BBS9: variants seen among roughly 807,000 people sequenced by gnomAD.
BBS9 encodes the protein protein PTHB1.
Under a neutral mutation model 117.7 loss-of-function variants are expected in BBS9, and 89 were observed. That is an observed-to-expected ratio of 0.76 (90% CI 0.64 to 0.90). The LOEUF (loss-of-function observed/expected upper bound fraction) is 0.90, where lower values mean the gene tolerates loss of function less well. Among genes scored for constraint, BBS9 ranks in the 40% least tolerant of loss-of-function variants. The pLI, the probability that BBS9 is intolerant of heterozygous loss-of-function variation, is 0.00. For synonymous variants in BBS9, 379 were observed against 370.9 expected, an observed-to-expected ratio of 1.02 and a Z score of -0.25; for missense variants, 982 against 1,042.2, an observed-to-expected ratio of 0.94 and a Z score of 0.80.
At chr7:33,611,715 TTA>T (rs1214419125) in intron 21 of BBS9, among the ~76,000 whole-genome samples, 1 of 138,802 alleles carries the variant, frequency 7.2e-6, no homozygotes, top group East Asian at 2.0e-4. Flanking sequence ...ATAAGGTGTA[TTA>T]TATATAATAT....
chr7:33,624,906 T>C, intron 21 of BBS9, among the ~76,000 whole-genome samples: 1 of 152,184 alleles, frequency 6.6e-6, no homozygotes, highest in Non-Finnish European at 1.5e-5. Context: ...GGTTATCCTT[T>C]CAACGATTGA....
At chr7:33,403,543 T>C (rs950563891) in intron 19 of BBS9, among the ~76,000 whole-genome samples, 7 of 142,366 alleles carry the variant, frequency 4.9e-5, no homozygotes, top group African/African-American at 1.5e-4. Context: ...TCAATTCCCA[T>C]CTATGAGTGA....
chr7:33,442,555 TAGTA>T (rs1254591114), intron 19 of BBS9, among the ~76,000 whole-genome samples: 3 of 152,220 alleles, frequency 2.0e-5, no homozygotes, highest in African/African-American at 4.8e-5. Context: ...TTTTTTAAAA[TAGTA>T]AGCTAAAGTT....
rs1032091114 is a variant in BBS9, at chr7:33,303,852, C to T, written c.1016+29896C>T. Reference sequence around the variant, plus strand: ...GGAGTGCAGTGGCGTGATCTCGGCTCGCTACAAGGTCCACCTCCCAGCCGC... The same window carrying T: ...GGAGTGCAGTGGCGTGATCTCGGCTTGCTACAAGGTCCACCTCCCAGCCGC... On this transcript the variant is annotated intron_variant, in intron 9 of 22. Coordinates refer to ENST00000242067, the MANE Select transcript of BBS9 (RefSeq NM_198428.3). Among the ~76,000 whole-genome samples, 14 of 152,228 alleles carry T rather than the reference C, an allele frequency of 9.2e-5. No individual in the cohort carries two copies. The South Asian group carries it at 1.7e-3, about 18-fold the overall frequency.
chr7:33,610,299 T>G (rs1166511831), downstream of BBS9, among the ~76,000 whole-genome samples: 1 of 152,124 alleles, frequency 6.6e-6, no homozygotes, highest in Non-Finnish European at 1.5e-5. Flanking sequence ...GTCTTATTTC[T>G]GTACTGCTAT....
chr7:33,491,416 C>T (rs1843878634), intron 19 of BBS9, among the ~76,000 whole-genome samples: 1 of 152,148 alleles, frequency 6.6e-6, no homozygotes, highest in South Asian at 2.1e-4. Flanking sequence ...TTAAGGAAAT[C>T]TATTATTGGC....
chr7:33,597,680 A>G (rs574897340), intron 21 of BBS9, among the ~76,000 whole-genome samples: 1 of 152,116 alleles, frequency 6.6e-6, no homozygotes, highest in South Asian at 2.1e-4. Flanking sequence ...CTTCCTGCAA[A>G]AAAAAAATGT....
At chr7:33,447,637 G>T (rs1198119760) in intron 19 of BBS9, among the ~76,000 whole-genome samples, 1 of 152,144 alleles carries the variant, frequency 6.6e-6, no homozygotes, top group Non-Finnish European at 1.5e-5. Context: ...TACTATCAGG[G>T]TGTTAAATAT....
intron 19 of BBS9, among the ~76,000 whole-genome samples, chr7:33,475,289 A>G (rs967140313): frequency 2.0e-5 from 3 of 152,214 alleles, no homozygotes; most frequent in Non-Finnish European, 4.4e-5. Flanking sequence ...TGGTAAGCCC[A>G]TGGGCCATAG....
chr7:33,542,492 T>C (rs60467099), intron 21 of BBS9, among the ~76,000 whole-genome samples: 1 of 152,046 alleles, frequency 6.6e-6, no homozygotes, highest in Non-Finnish European at 1.5e-5. Context: ...TCCCACTCTT[T>C]CCCTCAAGTC....
chr7:33,397,989 G>GA (rs1037340416), intron 19 of BBS9, among the ~76,000 whole-genome samples: 9 of 149,172 alleles, frequency 6.0e-5, no homozygotes, highest in Admixed American at 2.0e-4. Flanking sequence ...AATAGTTGAA[G>GA]AAAAAAAAAT....
intron 5 of BBS9, among the ~76,000 whole-genome samples, chr7:33,222,146 A>AGT (rs368489883): frequency 3.3e-5 from 5 of 151,912 alleles, no homozygotes; most frequent in African/African-American, 4.8e-5. Context: ...AATTTCATGT[A>AGT]GTGTGTGTGT....
intron 20 of BBS9, among the ~76,000 whole-genome samples, chr7:33,512,862 C>T (rs746021647): frequency 2.6e-4 from 39 of 152,326 alleles, no homozygotes; most frequent in African/African-American, 5.1e-4. Flanking sequence ...TTTCTGGAAA[C>T]GCCCCTTGGC....
At chr7:33,360,532 T>TC (rs1820429275) in intron 16 of BBS9, among the ~76,000 whole-genome samples, 1 of 150,860 alleles carries the variant, frequency 6.6e-6, no homozygotes, top group South Asian at 2.1e-4. Flanking sequence ...ACCTTTTTTT[T>TC]TTTTTTGAGA....
intron 9 of BBS9, among the ~76,000 whole-genome samples, chr7:33,300,211 G>A (rs988690326): frequency 2.6e-5 from 4 of 152,102 alleles, no homozygotes; most frequent in African/African-American, 9.7e-5. Context: ...AGGTGAGGAA[G>A]TTAATACTCT....
rs746636412 is a variant in BBS9 at position 33,336,549 on chromosome 7, A to G, written c.1125A>G (p.Glu375=). The G allele has an allele frequency of 3.1e-6, 5 of 1,613,416 alleles. No homozygotes were observed. In the African/African-American group the frequency reaches 5.3e-5, roughly 17 times the overall value. Residue 375 remains glutamate, a synonymous_variant, in exon 10 of 23, where the codon GAA becomes GAG. Transcript: ENST00000242067. ...AAGCTCCAAACGTTCAATCTCGAGA[A>G]CTAAACTATGATGAACTTGATGTAG... ...LFQAPNVQSR[E]LNYDELDVEM...
chr7:33,533,385 C>G (rs1429244757), intron 20 of BBS9, among the ~76,000 whole-genome samples: 1 of 152,208 alleles, frequency 6.6e-6, no homozygotes, highest in Non-Finnish European at 1.5e-5. Flanking sequence ...TAGGCAGGCC[C>G]TGTGTCTCAC....
intron 5 of BBS9, among the ~76,000 whole-genome samples, chr7:33,193,422 C>T (rs4720112): frequency 0.012 from 318 of 26,100 alleles, 31 homozygotes; most frequent in African/African-American, 0.021. Flanking sequence ...CTCTCTCTGC[C>T]TTTTTTTTTT....
chr7:33,591,866 C>CCAT (rs138958813), intron 21 of BBS9, among the ~76,000 whole-genome samples: 17,580 of 151,148 alleles, frequency 0.12, 1,391 homozygotes, highest in Admixed American at 0.25. Context: ...GCCGTCGTCG[C>CCAT]CATCATCATC....
Sources: allele counts gnomAD v4.1 joint callset (sites outside exome capture counted in the v4.1 genomes callset), GRCh38; gene constraint gnomAD v4.1.1; transcripts MANE v1.5; gene names NCBI Gene and HGNC (gene_info 2026-07-23, HGNC 2026-07-21).